The following NBAS variants were observed in gnomAD, a reference collection of about 807,000 sequenced individuals.
The protein encoded by NBAS is NAG/BC035112 fusion.
A neutral mutation model predicts 302.5 loss-of-function variants in NBAS; 219 were observed. The ratio of observed to expected loss-of-function variants is 0.72; its 90% CI spans 0.65 to 0.81. The LOEUF (loss-of-function observed/expected upper bound fraction) is 0.81. Ranked by LOEUF, NBAS falls within the 30% of genes least tolerant of loss-of-function variation. The probability of loss-of-function intolerance (pLI) is 0.00; values close to 1 mark genes in which losing one functional copy is unlikely to be tolerated. For missense variants in NBAS, 2,932 were observed against 2,841.6 expected (o/e 1.03, Z -0.72); for synonymous variants, 1,118 against 1,021.6 (o/e 1.09, Z -1.80).
chr2:15,102,940 A>G, the NBAS span, among the ~76,000 whole-genome samples: 56 of 149,692 alleles, frequency 3.7e-4, no homozygotes, highest in African/African-American at 1.4e-3. Flanking sequence ...TTGTCAGGGT[A>G]TACAGATTTT....
At chr2:15,369,491 C>G (rs1451069217) in intron 31 of NBAS, among the ~76,000 whole-genome samples, 2 of 152,208 alleles carry the variant, frequency 1.3e-5, no homozygotes, top group Non-Finnish European at 2.9e-5. Context: ...TGCAATTACC[C>G]TGTTCAAATG....
intron 40 of NBAS, among the ~76,000 whole-genome samples, chr2:15,295,373 T>C (rs1558511218): frequency 6.6e-6 from 1 of 152,204 alleles, no homozygotes; most frequent in African/African-American, 2.4e-5. Context: ...CTTTTGCCAA[T>C]GAATAAAATG....
chr2:14,817,971 C>T, the NBAS span, among the ~76,000 whole-genome samples: 1 of 152,112 alleles, frequency 6.6e-6, no homozygotes, highest in East Asian at 1.9e-4. Flanking sequence ...CTTTCCTGCT[C>T]TACACATCTC....
chr2:15,500,541 A>C (rs1034416363), intron 11 of NBAS, among the ~76,000 whole-genome samples: 9 of 125,914 alleles, frequency 7.1e-5, no homozygotes, highest in East Asian at 2.1e-4. Context: ...CACACACACA[A>C]AATTAGAAAT....
chr2:15,338,674 TAC>T (rs70961409), intron 35 of NBAS, among the ~76,000 whole-genome samples: 5,888 of 134,662 alleles, frequency 0.044, 223 homozygotes, highest in African/African-American at 0.1. Flanking sequence ...AACACACACA[TAC>T]ACACACACAC....
intron 6 of NBAS, among the ~76,000 whole-genome samples, chr2:15,541,532 T>C (rs965942362): frequency 6.6e-6 from 1 of 152,096 alleles, no homozygotes; most frequent in Non-Finnish European, 1.5e-5. Flanking sequence ...GCATCAACGA[T>C]TTTCTTCATT....
intron 12 of NBAS, among the ~76,000 whole-genome samples, chr2:15,479,873 C>T (rs1301414512): frequency 6.6e-6 from 1 of 152,240 alleles, no homozygotes; most frequent in African/African-American, 2.4e-5. Flanking sequence ...AGATCCATCA[C>T]AGTGCCCACC....
chr2:15,174,087 A>T (rs1664420968), intron 51 of NBAS, among the ~76,000 whole-genome samples: 1 of 152,236 alleles, frequency 6.6e-6, no homozygotes, highest in Admixed American at 6.5e-5. Flanking sequence ...GGACGCATCC[A>T]GACAGGAGGT....
intron 32 of NBAS, among the ~76,000 whole-genome samples, chr2:15,360,586 G>A (rs1009566963): frequency 6.7e-6 from 1 of 149,770 alleles, no homozygotes; most frequent in Admixed American, 6.6e-5. Flanking sequence ...CTGGCCTCAA[G>A]TGATTCACTT....
At chr2:14,873,969 T>G in the NBAS span, among the ~76,000 whole-genome samples, 1 of 151,922 alleles carries the variant, frequency 6.6e-6, no homozygotes, top group African/African-American at 2.4e-5. Context: ...TAAATCAGCA[T>G]AACAGAAAAC....
At chr2:15,206,122 T>C (rs536467170) in intron 48 of NBAS, among the ~76,000 whole-genome samples, 2 of 152,280 alleles carry the variant, frequency 1.3e-5, no homozygotes, top group African/African-American at 2.4e-5. Context: ...AAAATGCTGA[T>C]AGTGATATGG....
chr2:15,553,118 T>C (rs1427695386), intron 5 of NBAS, among the ~76,000 whole-genome samples: 3 of 152,174 alleles, frequency 2.0e-5, no homozygotes, highest in Non-Finnish European at 4.4e-5. Flanking sequence ...GTTTAGCTAA[T>C]ATAGCAGTAA....
intron 13 of NBAS, 44 bp from the exon 14 acceptor site, chr2:15,475,924 T>TG: frequency 6.9e-7 from 1 of 1,452,850 alleles, no homozygotes; most frequent in Non-Finnish European, 9.5e-7. Context: ...TCTGCTAATG[T>TG]GGTTTAAATT....
the NBAS span, among the ~76,000 whole-genome samples, chr2:15,109,007 C>A: frequency 6.6e-6 from 1 of 152,064 alleles, no homozygotes. Context: ...AAGGTCAAAT[C>A]TTTAGCAGAA....
the NBAS span, among the ~76,000 whole-genome samples, chr2:15,133,202 G>A: frequency 1.6e-4 from 24 of 152,280 alleles, no homozygotes; most frequent in East Asian, 4.4e-3. Context: ...CTGCCCTGGG[G>A]AAGTTCACAG....
intron 45 of NBAS, among the ~76,000 whole-genome samples, chr2:15,237,928 T>C (rs915403794): frequency 6.6e-6 from 1 of 151,890 alleles, no homozygotes; most frequent in South Asian, 2.1e-4. Context: ...GCGCCCGCCA[T>C]TGGGCCTGGC....
rs774462804 is a variant in NBAS, at chr2:15,417,732, A to G, written c.2578-20T>C. 15 of 1,607,868 alleles carry G rather than the reference A, an allele frequency of 9.3e-6. No homozygotes were observed. Among genetic ancestry groups the G allele is most frequent in the Admixed American group, 1.7e-5 (1 of 59,974 alleles). On this transcript the variant is annotated intron_variant, in intron 23 of 51. Coordinates refer to ENST00000281513, the MANE Select transcript of NBAS (RefSeq NM_015909.4). Reference sequence around the variant, plus strand: ...GTCCACCTAAAATTGAAAAGCAACAATAAGTTCCTGAGTATTATATATTTC... The same window carrying G: ...GTCCACCTAAAATTGAAAAGCAACAGTAAGTTCCTGAGTATTATATATTTC...
chr2:15,352,315 A>C (rs1042115211), intron 34 of NBAS, among the ~76,000 whole-genome samples: 1 of 152,208 alleles, frequency 6.6e-6, no homozygotes, highest in Non-Finnish European at 1.5e-5. Flanking sequence ...ATGAATTGTT[A>C]CAGGCAGTGT....
At chr2:15,378,130 C>T (rs546342491) in intron 30 of NBAS, among the ~76,000 whole-genome samples, 6 of 152,086 alleles carry the variant, frequency 3.9e-5, no homozygotes, top group Non-Finnish European at 8.8e-5. Flanking sequence ...GATCAAGAAA[C>T]AAAAACTGAG....
Sources: allele counts gnomAD v4.1 joint callset (sites outside exome capture counted in the v4.1 genomes callset), GRCh38; gene constraint gnomAD v4.1.1; transcripts MANE v1.5; gene names NCBI Gene and HGNC (gene_info 2026-07-23, HGNC 2026-07-21).